LTBP2: variants seen among roughly 807,000 people sequenced by gnomAD.
LTBP2 encodes the protein latent transforming growth factor beta binding protein 2.
LTBP2 carries 103 observed loss-of-function variants against 210.6 expected under a neutral mutation model. That is an observed-to-expected ratio of 0.49 (90% CI 0.42 to 0.58). The LOEUF is 0.58. LTBP2 is among the 20% of genes least tolerant of loss of function. The probability of loss-of-function intolerance (pLI) is 0.00; values close to 1 mark genes in which losing one functional copy is unlikely to be tolerated. For missense variants in LTBP2, 2,313 were observed against 2,494.5 expected (o/e 0.93, Z 1.55); for synonymous variants, 1,007 against 1,015.0 (o/e 0.99, Z 0.15).
chr14:74,529,126 C>T lies in LTBP2; in HGVS notation c.1988-4G>A. The T allele has an allele frequency of 6.4e-7, 1 of 1,551,398 alleles. No homozygotes were observed. Among genetic ancestry groups the T allele is most frequent in the Non-Finnish European group, 8.7e-7 (1 of 1,147,166 alleles). On this transcript the variant is annotated splice_region_variant and splice_polypyrimidine_tract_variant and intron_variant, in intron 10 of 35. Coordinates refer to ENST00000261978, the MANE Select transcript of LTBP2 (RefSeq NM_000428.3). ...AGCATGGAGATTGCCTTGTCCGCTG[C>T]AACAGACACAGCACGTGGAGGTGGG... is the stretch of plus-strand genomic sequence containing the variant.
chr14:74,509,311 G>T lies in LTBP2; in HGVS notation c.3330C>A (p.Asn1110Lys), dbSNP rs1386503180. Reference sequence around the variant, plus strand: ...CCTTGCAGGAGAAGGAGCCAGCCGTGTTGGTGCAGACTCCGGAGGGGCAGA... The same window carrying T: ...CCTTGCAGGAGAAGGAGCCAGCCGTTTTGGTGCAGACTCCGGAGGGGCAGA... The part of the protein sequence containing the change: ...PGVCPSGVCT[N>K]TAGSFSCKDC... Residue 1110 changes from asparagine to lysine, a missense_variant, in exon 22 of 36, where the codon AAC (asparagine) becomes AAA (lysine). Asn to Lys is a moderately conservative substitution (Grantham distance 94). This residue lies in a region of LTBP2 where 1,867 missense variants were observed against 1,976.9 expected (regional missense o/e 0.94). Transcript: ENST00000261978. 1.2e-6 allele frequency: 2 copies of T among 1,613,594 alleles called. No homozygotes were observed. The highest frequency in any genetic ancestry group is 1.7e-6 in the Non-Finnish European group (2 of 1,180,006).
intron 1 of LTBP2, among the ~76,000 whole-genome samples, chr14:74,604,848 G>C (rs1457130794): frequency 6.6e-6 from 1 of 152,176 alleles, no homozygotes; most frequent in East Asian, 1.9e-4. Flanking sequence ...CTGACCTACA[G>C]TGCTGGGGCA....
rs546103959 is a variant in LTBP2 at position 74,569,082 on chromosome 14, G to A, written c.831-13389C>T. On this transcript the variant is annotated intron_variant, in intron 3 of 35. Transcript: ENST00000261978. The stretch of plus-strand genomic sequence containing the variant: ...TGTAGCTGCTTGAGCATGTCAAACC[G>A]CTGGATGTGAGCTCTTAGAGGCGAG... 1.8e-3 allele frequency among the ~76,000 whole-genome samples: 279 copies of A among 151,532 alleles called. 1 individual carries two copies. The highest frequency in any genetic ancestry group is 6.3e-3 in the African/African-American group (260 of 41,272).
At position 74,529,098 on chromosome 14, in the gene LTBP2, T is replaced by C. The variant is rs201372116; in HGVS notation, c.2012A>G (p.Gln671Arg). 9 of 1,552,626 alleles carry C rather than the reference T, an allele frequency of 5.8e-6. No individual in the cohort carries two copies. The highest frequency in any genetic ancestry group is 1.4e-5 in the African/African-American group (1 of 73,308). Reference protein sequence around the residue: ...CVSDKAISMLQGLCYRSLGPG... With the variant: ...CVSDKAISMLRGLCYRSLGPG... ...CCCCAGCGACCGGTAGCACAGTCCCTGCAGCATGGAGATTGCCTTGTCCGC... is the reference window on the plus strand; with the variant it reads ...CCCCAGCGACCGGTAGCACAGTCCCCGCAGCATGGAGATTGCCTTGTCCGC... Residue 671 changes from glutamine (Q) to arginine (R), a missense_variant, in exon 11 of 36, where the codon CAG (glutamine) becomes CGG (arginine). Gln to Arg is a conservative substitution (Grantham distance 43). This residue lies in a region of LTBP2 where 1,867 missense variants were observed against 1,976.9 expected (regional missense o/e 0.94). Transcript: ENST00000261978.
intron 1 of LTBP2, 137 bp downstream of exon 1, chr14:74,611,314 G>A: frequency 9.9e-7 from 1 of 1,013,940 alleles, no homozygotes; most frequent in East Asian, 3.0e-5. Flanking sequence ...TTGGAACCTC[G>A]GGGCTGTTTC....
chr14:74,581,603 TCC>T (rs2088137734), intron 3 of LTBP2, among the ~76,000 whole-genome samples: 1 of 152,104 alleles, frequency 6.6e-6, no homozygotes, highest in African/African-American at 2.4e-5. Context: ...AAATGGGGCC[TCC>T]GTCTTACAAT....
intron 3 of LTBP2, among the ~76,000 whole-genome samples, chr14:74,575,561 C>T (rs183851485): frequency 3.2e-4 from 48 of 152,316 alleles, no homozygotes; most frequent in Non-Finnish European, 6.3e-4. Context: ...TGCAGAACAG[C>T]AGGCGTCCCT....
At position 74,612,068 on chromosome 14, in the gene LTBP2, G is replaced by A; in HGVS notation, c.-124C>T. 2 of 1,118,680 alleles carry A rather than the reference G, an allele frequency of 1.8e-6. No homozygotes were observed. The allele number at this position is 1,118,680 out of a possible 1,614,324, so 69.3% of individuals were successfully genotyped here. Reference sequence around the variant, plus strand: ...CGGCCAGCTTCTCTGAGTCTAGGGGGCCCTGAAGCGGCCGACTGGGGGCCC... The same window carrying A: ...CGGCCAGCTTCTCTGAGTCTAGGGGACCCTGAAGCGGCCGACTGGGGGCCC... On this transcript the variant is annotated 5_prime_UTR_variant, in exon 1 of 36. Coordinates refer to ENST00000261978, the MANE Select transcript of LTBP2 (RefSeq NM_000428.3).
chr14:74,510,251 T>G (rs1566616637), intron 19 of LTBP2, 38 bp from the exon 20 acceptor site: 4 of 1,609,982 alleles, frequency 2.5e-6, no homozygotes, highest in Non-Finnish European at 3.4e-6. Context: ...GCTGGCCTCC[T>G]CCCCATCCTG....
chr14:74,604,897 C>T (rs992428036), intron 1 of LTBP2, among the ~76,000 whole-genome samples: 6 of 152,194 alleles, frequency 3.9e-5, no homozygotes, highest in Non-Finnish European at 5.9e-5. Context: ...GGGTGTCTGG[C>T]GCACTCCAGC....
intron 10 of LTBP2, among the ~76,000 whole-genome samples, chr14:74,532,036 A>C (rs915123067): frequency 2.0e-5 from 3 of 152,218 alleles, no homozygotes; most frequent in African/African-American, 7.2e-5. Flanking sequence ...CCTTCTGGAA[A>C]GGTCACTCAG....
chr14:74,559,604 C>T (rs1461064767), intron 3 of LTBP2, among the ~76,000 whole-genome samples: 1 of 152,174 alleles, frequency 6.6e-6, no homozygotes, highest in Non-Finnish European at 1.5e-5. Flanking sequence ...TTACCACTGC[C>T]ATCACCCCAT....
rs121918355 is a variant in LTBP2 at position 74,555,629 on chromosome 14, G to T, written c.895C>A (p.Arg299=). 1.3e-6 allele frequency: 2 copies of T among 1,597,116 alleles called. No homozygotes were observed. Among genetic ancestry groups the T allele is most frequent in the Admixed American group, 1.7e-5 (1 of 59,050 alleles). ...QQHVGLSRTV[R]LHPTATASSQ... is the part of the protein sequence containing the mutation. ...CTGGCCGTGGCAGTCGGGTGAAGTC[G>T]GACAGTGCGGGACAACCCCACGTGC... Residue 299 remains arginine, a synonymous_variant, in exon 4 of 36, where the codon CGA becomes AGA. Transcript: ENST00000261978.
intron 17 of LTBP2, among the ~76,000 whole-genome samples, chr14:74,517,878 T>C (rs576081800): frequency 3.3e-5 from 5 of 152,370 alleles, no homozygotes; most frequent in African/African-American, 1.2e-4. Flanking sequence ...CCTCCAGTTC[T>C]GTTCGCAGCT....
intron 2 of LTBP2, among the ~76,000 whole-genome samples, chr14:74,599,790 G>A (rs1027147017): frequency 2.0e-5 from 3 of 152,260 alleles, no homozygotes; most frequent in Non-Finnish European, 4.4e-5. Context: ...CCAGAGGCAA[G>A]AGAGGGCAAC....
intron 3 of LTBP2, among the ~76,000 whole-genome samples, chr14:74,565,455 G>A (rs755645913): frequency 1.3e-5 from 2 of 152,176 alleles, no homozygotes; most frequent in East Asian, 1.9e-4. Context: ...ATCAGTGGCC[G>A]AGGAAAGAAC....
chr14:74,501,077 C>T (rs1428862169), intron 35 of LTBP2, 48 bp from the exon 36 acceptor site: 2 of 1,584,996 alleles, frequency 1.3e-6, no homozygotes, highest in South Asian at 2.3e-5. Flanking sequence ...GGTGCCTCTG[C>T]TGGCTGCCTC....
intron 2 of LTBP2, among the ~76,000 whole-genome samples, chr14:74,596,722 A>G (rs1464278875): frequency 1.3e-5 from 2 of 152,194 alleles, no homozygotes; most frequent in Non-Finnish European, 2.9e-5. Context: ...TAATGGGTTG[A>G]TGTCAAAGCC....
At chr14:74,602,903 G>A (rs899408795) in intron 2 of LTBP2, among the ~76,000 whole-genome samples, 2 of 152,236 alleles carry the variant, frequency 1.3e-5, no homozygotes, top group Non-Finnish European at 2.9e-5. Context: ...CAGGGGCCAG[G>A]GCAGAGGTGG....
Sources: gnomAD v4.1 joint callset for allele counts (sites outside exome capture counted in the v4.1 genomes callset) on GRCh38, gnomAD v4.1.1 for gene constraint, gnomAD v4.1.1 regional missense constraint, MANE v1.5 for transcripts, NCBI Gene and HGNC (gene_info 2026-07-23, HGNC 2026-07-21) for gene names.